Variants in RAI14 observed in about 807,000 individuals in gnomAD.
RAI14 encodes the protein retinoic acid induced 14.
Under a neutral mutation model 115.4 loss-of-function variants are expected in RAI14, and 45 were observed. The observed-to-expected ratio is 0.39, with a 90% CI of 0.31 to 0.50. The LOEUF (loss-of-function observed/expected upper bound fraction) is 0.50, where lower values mean the gene tolerates loss of function less well. RAI14 is among the 20% of genes least tolerant of loss of function. The pLI is 0.85. For synonymous variants in RAI14, 371 were observed against 415.4 expected, an observed-to-expected ratio of 0.89 and a Z score of 1.30; for missense variants, 939 against 1,131.2, an observed-to-expected ratio of 0.83 and a Z score of 2.44.
intron 1 of RAI14, among the ~76,000 whole-genome samples, chr5:34,674,589 T>G (rs1261758974): frequency 6.0e-5 from 9 of 150,624 alleles, no homozygotes; most frequent in Admixed American, 3.3e-4. Context: ...ATCTTTTGTT[T>G]TTTTTTTTTT....
In RAI14 at chr5:34,659,375, C is replaced by G. The variant is rs1579838042; in HGVS notation, c.-49+2900C>G. 2.6e-5 allele frequency among the ~76,000 whole-genome samples: 4 copies of G among 152,296 alleles called. 1 individual carries two copies. Among genetic ancestry groups the G allele is most frequent in the Admixed American group, 2.6e-4 (4 of 15,296 alleles). ...CTCAATCTCCTGGGCTCAAGCAGTC[C>G]TCCTGCCTCATCCTCCAAAGTGGCT... On this transcript the variant is annotated intron_variant, in intron 1 of 17. Coordinates refer to ENST00000265109, the MANE Select transcript of RAI14 (RefSeq NM_015577.3).
At chr5:34,733,317 C>G (rs889852280) in intron 2 of RAI14, 10 of 152,172 alleles carry the variant, frequency 6.6e-5, no homozygotes, top group Non-Finnish European at 1.2e-4. Flanking sequence ...ATGAACAAGC[C>G]AGGATCTGAG....
chr5:34,791,784 G>C lies in RAI14; in HGVS notation c.168-4155G>C, dbSNP rs66946033. On this transcript the variant is annotated intron_variant, in intron 3 of 17. Transcript: ENST00000265109. This position sits in a 1 kb window ranked among gnomAD's most constrained non-coding sequence, Gnocchi z 5.4. The stretch of plus-strand genomic sequence containing the variant: ...CTATTTCTACTCTTGACCTAAAGGG[G>C]CAAGGAGGGAAAGCTGCAGCTGTGG... Among the ~76,000 whole-genome samples, 32,519 of 152,250 alleles carry C rather than the reference G, an allele frequency of 0.21. 4,714 individuals carry two copies. Among genetic ancestry groups the C allele is most frequent in the Non-Finnish European group, 0.3 (20,732 of 68,000 alleles).
intron 3 of RAI14, among the ~76,000 whole-genome samples, chr5:34,795,328 A>G (rs17594094): frequency 0.21 from 31,654 of 152,140 alleles, 4,477 homozygotes; most frequent in Non-Finnish European, 0.29. Context: ...AAAGTAATAG[A>G]ACTCACCTTA....
intron 2 of RAI14, among the ~76,000 whole-genome samples, chr5:34,711,659 T>A (rs1741418513): frequency 6.6e-6 from 1 of 152,204 alleles, no homozygotes. Context: ...ACTTCATCCC[T>A]TCTGCCATAT....
chr5:34,721,305 A>G lies in RAI14; in HGVS notation c.36+34350A>G, dbSNP rs902597754. On this transcript the variant is annotated intron_variant, in intron 2 of 17. Coordinates refer to ENST00000265109, the MANE Select transcript of RAI14 (RefSeq NM_015577.3). Reference sequence around the variant, plus strand: ...GATGTAGATGTGTATATATATATATATATATATATATATATATATAGATGT... The same window carrying G: ...GATGTAGATGTGTATATATATATATGTATATATATATATATATATAGATGT... Among the ~76,000 whole-genome samples the G allele has an allele frequency of 1.1e-4, 15 of 141,502 alleles. No homozygotes were observed. The East Asian group carries it at 1.6e-3, about 15-fold the overall frequency. 92.8% of individuals were successfully genotyped at this position (141,502 alleles called of 152,430 possible). A position where few individuals can be genotyped will look rare whatever the true frequency, so the allele number is the denominator to read the frequency against.
At chr5:34,666,254 G>A (rs930519299) in intron 1 of RAI14, among the ~76,000 whole-genome samples, 3 of 151,726 alleles carry the variant, frequency 2.0e-5, no homozygotes, top group African/African-American at 2.4e-5. Context: ...AGGTGTCCCA[G>A]GCAACCCCTG....
intron 2 of RAI14, among the ~76,000 whole-genome samples, chr5:34,699,348 A>C (rs1166331767): frequency 2.6e-5 from 4 of 152,162 alleles, no homozygotes; most frequent in African/African-American, 9.6e-5. Context: ...CTTAAACCAG[A>C]GGTCAGCAGC....
At position 34,823,160 on chromosome 5, in the gene RAI14, G is replaced by T; in HGVS notation, c.1318G>T (p.Asp440Tyr). Residue 440 changes from aspartate (D) to tyrosine (Y), a missense_variant, in exon 15 of 18, where the codon GAT becomes TAT. Physicochemically the swap from Asp to Tyr is radical, Grantham distance 160. Transcript: ENST00000265109. This position sits in a 1 kb window ranked among gnomAD's most constrained non-coding sequence, Gnocchi z 4.5. ...RIQQLQEILQ[D>Y]LQKRLESSEA... The stretch of plus-strand genomic sequence containing the variant: ...TCAGCAACTGCAAGAGATTTTGCAA[G>T]ATCTACAGAAGAGATTAGAGAGCTC... The T allele has an allele frequency of 6.2e-7, 1 of 1,613,354 alleles. No homozygotes were observed. Among genetic ancestry groups the T allele is most frequent in the Non-Finnish European group, 8.5e-7 (1 of 1,179,300 alleles).
chr5:34,703,260 A>G (rs1740303768), intron 2 of RAI14, among the ~76,000 whole-genome samples: 1 of 152,234 alleles, frequency 6.6e-6, no homozygotes, highest in Non-Finnish European at 1.5e-5. Context: ...TATGGTATAC[A>G]TCAACACCTC....
At chr5:34,691,288 G>A (rs1164420125) in intron 2 of RAI14, among the ~76,000 whole-genome samples, 1 of 152,154 alleles carries the variant, frequency 6.6e-6, no homozygotes, top group African/African-American at 2.4e-5. Context: ...CTGTGGCATG[G>A]CCCTGAGTAT....
chr5:34,816,723 C>G (rs1282922190), intron 12 of RAI14, among the ~76,000 whole-genome samples: 4 of 151,928 alleles, frequency 2.6e-5, no homozygotes, highest in Non-Finnish European at 5.9e-5. Context: ...CTATCATTTC[C>G]CTCACTTTAG....
At chr5:34,661,944 C>A (rs767923909) in intron 1 of RAI14, among the ~76,000 whole-genome samples, 2 of 152,182 alleles carry the variant, frequency 1.3e-5, no homozygotes, top group African/African-American at 2.4e-5. Flanking sequence ...TGCCAACACA[C>A]CTGCCTAGTT....
chr5:34,807,706 A>G, intron 5 of RAI14, 94 bp from the exon 6 acceptor site: 1 of 975,474 alleles, frequency 1.0e-6, no homozygotes. Flanking sequence ...AGTCTTCCTA[A>G]TAAGTCACAT....
chr5:34,762,961 G>C (rs1283361671), intron 3 of RAI14, among the ~76,000 whole-genome samples: 2 of 150,552 alleles, frequency 1.3e-5, no homozygotes, highest in Non-Finnish European at 2.9e-5. Flanking sequence ...GTGTGTGTGT[G>C]TGTGTGTGTG....
intron 5 of RAI14, 31 bp from the exon 6 acceptor site, chr5:34,807,769 T>C (rs1203574648): frequency 6.5e-7 from 1 of 1,534,998 alleles, no homozygotes; most frequent in Non-Finnish European, 9.0e-7. Flanking sequence ...GGGTATTTTA[T>C]TATATGGATG....
chr5:34,767,261 G>C (rs573284035), intron 3 of RAI14, among the ~76,000 whole-genome samples: 1 of 152,248 alleles, frequency 6.6e-6, no homozygotes, highest in African/African-American at 2.4e-5. Flanking sequence ...AAGCTCTTTG[G>C]CTTTGCTTTT....
intron 4 of RAI14, among the ~76,000 whole-genome samples, chr5:34,801,681 C>T (rs1390369280): frequency 2.0e-5 from 3 of 151,690 alleles, no homozygotes; most frequent in African/African-American, 4.8e-5. Context: ...GCAGAGGTTG[C>T]AGTGAGCCGA....
At chr5:34,781,637 C>A (rs1392272203) in intron 3 of RAI14, among the ~76,000 whole-genome samples, 1 of 152,158 alleles carries the variant, frequency 6.6e-6, no homozygotes, top group Non-Finnish European at 1.5e-5. Context: ...TCATGAATTG[C>A]TGATAGAGAT....
Sources: allele counts gnomAD v4.1 joint callset (sites outside exome capture counted in the v4.1 genomes callset), GRCh38; gene constraint gnomAD v4.1.1; non-coding constraint Gnocchi (gnomAD v3.1); transcripts MANE v1.5; gene names NCBI Gene and HGNC (gene_info 2026-07-23, HGNC 2026-07-21).